UBE3C: variants seen among roughly 807,000 people sequenced by gnomAD.
UBE3C encodes the protein ubiquitin protein ligase E3C, also known as ubiquitin-protein ligase E3C.
In UBE3C, 42 loss-of-function variants were observed where a neutral mutation model predicts 129.4. The ratio of observed to expected loss-of-function variants is 0.32; its 90% CI spans 0.25 to 0.42. The LOEUF is 0.42. Among genes scored for constraint, UBE3C ranks in the 10% least tolerant of loss-of-function variants. The probability of loss-of-function intolerance (pLI) is 1.00; values close to 1 mark genes in which losing one functional copy is unlikely to be tolerated. For missense variants in UBE3C, 1,049 were observed against 1,319.1 expected (o/e 0.80, Z 3.17); for synonymous variants, 510 against 492.4 (o/e 1.04, Z -0.47).
At chr7:157,154,389 C>T (rs1049834545) in intron 1 of UBE3C, among the ~76,000 whole-genome samples, 2 of 152,150 alleles carry the variant, frequency 1.3e-5, no homozygotes, top group Admixed American at 6.5e-5. Context: ...AATCCCCTAA[C>T]TTCCCACCAT....
At chr7:157,248,339 GC>G in intron 18 of UBE3C, 28 bp from the exon 19 acceptor site, 1 of 1,596,214 alleles carries the variant, frequency 6.3e-7, no homozygotes, top group Non-Finnish European at 8.6e-7. Context: ...TATATTCGAT[GC>G]TAACGTTGTC....
At chr7:157,243,186 T>C (rs890228683) in intron 18 of UBE3C, among the ~76,000 whole-genome samples, 3 of 152,182 alleles carry the variant, frequency 2.0e-5, no homozygotes, top group Non-Finnish European at 4.4e-5. Context: ...TCCCCCATCC[T>C]CTGTGCCCTG....
chr7:157,189,954 C>T (rs1808911268), intron 10 of UBE3C, among the ~76,000 whole-genome samples: 1 of 152,150 alleles, frequency 6.6e-6, no homozygotes, highest in African/African-American at 2.4e-5. Context: ...GCACCCATCA[C>T]CATGCCCAGC....
chr7:157,213,403 G>A (rs554134175), intron 13 of UBE3C, among the ~76,000 whole-genome samples: 12 of 152,352 alleles, frequency 7.9e-5, no homozygotes, highest in Admixed American at 2.6e-4. Context: ...ATGGCGGCAC[G>A]CCTGTGGTGG....
At chr7:157,259,060 T>G (rs1431770359) in intron 22 of UBE3C, among the ~76,000 whole-genome samples, 1 of 152,244 alleles carries the variant, frequency 6.6e-6, no homozygotes, top group Non-Finnish European at 1.5e-5. Context: ...GAAATTGAAC[T>G]CTGACATACG....
Position 157,248,370 on chromosome 7 carries a change from T to C in UBE3C, c.2484T>C (p.Ala828=). Residue 828 remains alanine (A), a splice_region_variant and synonymous_variant, in exon 19 of 23, where the codon GCT becomes GCC. Transcript: ENST00000348165. ...YYFLGRMLGK[A]LYENMLVELP... Reference sequence around the variant, plus strand: ...GTTGTCACTGTTCTCTTTTGAAGGCTCTCTATGAGAACATGCTGGTGGAGC... The same window carrying C: ...GTTGTCACTGTTCTCTTTTGAAGGCCCTCTATGAGAACATGCTGGTGGAGC... 1 of 1,612,800 alleles carries C rather than the reference T, an allele frequency of 6.2e-7. No homozygotes were observed.
In UBE3C at chr7:157,174,919, A is replaced by C. The variant is rs759565162; in HGVS notation, c.343A>C (p.Ile115Leu). ...TATATTTTATGTTTTGCTGTTTCAG[A>C]TATGGCTGTATCAGAACTTAATTAA... ...YKQNEDSKRL[I>L]WLYQNLIKHS... is the part of the protein sequence containing the mutation. The change falls in exon 5 of 23, where the codon ATA becomes CTA. Residue 115 changes from isoleucine to leucine, a missense_variant and splice_region_variant. By Grantham distance (5) the Ile-to-Leu change is conservative (BLOSUM62 2). Around this residue, in one of 4 missense-constraint regions of UBE3C, gnomAD observed 489 missense variants for 513.8 expected, o/e 0.95. Coordinates refer to ENST00000348165, the MANE Select transcript of UBE3C (RefSeq NM_014671.3). 6.3e-7 allele frequency: 1 copy of C among 1,598,170 alleles called. No homozygotes were observed. Among genetic ancestry groups the C allele is most frequent in the South Asian group, 1.1e-5 (1 of 87,182 alleles).
At chr7:157,146,893 C>T (rs1320457602) in intron 1 of UBE3C, among the ~76,000 whole-genome samples, 10 of 152,080 alleles carry the variant, frequency 6.6e-5, no homozygotes, top group East Asian at 1.9e-4. Context: ...TGAAGTGATC[C>T]GCCTGCCTCA....
intron 13 of UBE3C, among the ~76,000 whole-genome samples, chr7:157,216,532 G>T (rs972112077): frequency 6.6e-6 from 1 of 151,656 alleles, no homozygotes; most frequent in Admixed American, 6.6e-5. Flanking sequence ...GTAGATCCCA[G>T]TGTCTGTTCT....
intron 19 of UBE3C, among the ~76,000 whole-genome samples, chr7:157,249,826 G>A (rs980036085): frequency 7.9e-5 from 12 of 152,134 alleles, no homozygotes; most frequent in East Asian, 1.9e-4. Context: ...TAATGAGTTA[G>A]TAACATCTGG....
In UBE3C at chr7:157,216,622, G is replaced by T. The variant is rs1319450010; in HGVS notation, c.1810-245G>T. Among the ~76,000 whole-genome samples the T allele has an allele frequency of 2.6e-5, 4 of 152,214 alleles. 1 individual carries two copies. Among genetic ancestry groups the T allele is most frequent in the Admixed American group, 2.6e-4 (4 of 15,278 alleles). On this transcript the variant is annotated intron_variant, in intron 13 of 22. Coordinates refer to ENST00000348165, the MANE Select transcript of UBE3C (RefSeq NM_014671.3). ...TCAAAGCTTAATCGCCACCTCCGTT[G>T]TAACTTAAAAATTATCATGTACATG...
chr7:157,226,502 A>G (rs147318916), intron 17 of UBE3C, among the ~76,000 whole-genome samples: 20 of 152,364 alleles, frequency 1.3e-4, no homozygotes, highest in African/African-American at 4.8e-4. Flanking sequence ...TCTAAAATTA[A>G]AAATGAAATC....
chr7:157,188,223 A>G (rs1238721271), intron 10 of UBE3C, among the ~76,000 whole-genome samples: 1 of 152,264 alleles, frequency 6.6e-6, no homozygotes, highest in Non-Finnish European at 1.5e-5. Flanking sequence ...GTTACCCTAC[A>G]GAATTCTCTT....
chr7:157,256,224 C>G (rs1182375), intron 21 of UBE3C, among the ~76,000 whole-genome samples: 75,433 of 152,032 alleles, frequency 0.5, 21,794 homozygotes, highest in Non-Finnish European at 0.63. Flanking sequence ...CTCACTGCAG[C>G]CTCTGCCTTC....
chr7:157,216,352 G>GT (rs11373650), intron 13 of UBE3C, among the ~76,000 whole-genome samples: 19,790 of 144,836 alleles, frequency 0.14, 3,555 homozygotes, highest in African/African-American at 0.42. Flanking sequence ...AGATTCGTGG[G>GT]TTTTTTTTTT....
intron 1 of UBE3C, among the ~76,000 whole-genome samples, chr7:157,155,187 C>A (rs1342427983): frequency 6.6e-6 from 1 of 152,112 alleles, no homozygotes; most frequent in Non-Finnish European, 1.5e-5. Flanking sequence ...CCCACCCCCT[C>A]CACACGCACA....
At position 157,264,270 on chromosome 7, in the gene UBE3C, G is replaced by C. The variant is rs578163393; in HGVS notation, c.3082-3315G>C. On this transcript the variant is annotated intron_variant, in intron 22 of 22. Coordinates refer to ENST00000348165, the MANE Select transcript of UBE3C (RefSeq NM_014671.3). Reference sequence around the variant, plus strand: ...ACACACACACACACCTGGTACTACAGGTGTAAGCCAACATGCTTGGCCTGT... The same window carrying C: ...ACACACACACACACCTGGTACTACACGTGTAAGCCAACATGCTTGGCCTGT... Among the ~76,000 whole-genome samples the C allele has an allele frequency of 2.4e-5, 3 of 123,518 alleles. No individual in the cohort carries two copies. The East Asian group carries it at 7.5e-4, about 31-fold the overall frequency. The allele number at this position is 123,518 out of a possible 152,430, so 81.0% of individuals were successfully genotyped here. A position where few individuals can be genotyped will look rare whatever the true frequency, so the allele number is the denominator to read the frequency against.
Position 157,267,863 on chromosome 7 carries a change from G to T in UBE3C, c.*108G>T. ...CACTGCACGCCTGAGGCTCTCCTAA[G>T]CTCCTTCTTTCATTCTGCCATTCCT... On this transcript the variant is annotated 3_prime_UTR_variant, in exon 23 of 23. Transcript: ENST00000348165. 1 of 940,636 alleles carries T rather than the reference G, an allele frequency of 1.1e-6. No homozygotes were observed. Among genetic ancestry groups the T allele is most frequent in the South Asian group, 2.2e-5 (1 of 44,912 alleles). 58.3% of individuals were successfully genotyped at this position (940,636 alleles called of 1,614,324 possible).
At chr7:157,203,221 G>A (rs922919338) in intron 11 of UBE3C, among the ~76,000 whole-genome samples, 32 of 152,144 alleles carry the variant, frequency 2.1e-4, no homozygotes, top group Non-Finnish European at 3.7e-4. Context: ...CTTAAGTGAG[G>A]AAAGGGGAGT....
Sources: gnomAD v4.1 joint callset for allele counts (sites outside exome capture counted in the v4.1 genomes callset) on GRCh38, gnomAD v4.1.1 for gene constraint, gnomAD v4.1.1 regional missense constraint, MANE v1.5 for transcripts, NCBI Gene and HGNC (gene_info 2026-07-23, HGNC 2026-07-21) for gene names.